ZCWPW2: variants seen among roughly 807,000 people sequenced by gnomAD.
ZCWPW2 encodes zinc finger CW-type PWWP domain protein 2.
In ZCWPW2, 45 loss-of-function variants were observed where a neutral mutation model predicts 46.6. The ratio of observed to expected loss-of-function variants is 0.96; its 90% confidence interval spans 0.76 to 1.24. The LOEUF is 1.24. ZCWPW2 is among the 50% of genes most tolerant of loss of function. The pLI is 0.00. For synonymous variants in ZCWPW2, 152 were observed against 137.1 expected (o/e 1.11, Z -0.76); for missense variants, 429 against 403.9 (o/e 1.06, Z -0.53).
At chr3:28,404,059 A>T (rs936543803) in intron 2 of ZCWPW2, among the ~76,000 whole-genome samples, 1 of 152,078 alleles carries the variant, frequency 6.6e-6, no homozygotes, top group Non-Finnish European at 1.5e-5. Flanking sequence ...TTAATTAAAG[A>T]GCTTTTGTAT....
chr3:28,406,662 T>G (rs1318249748), intron 2 of ZCWPW2, among the ~76,000 whole-genome samples: 1 of 152,050 alleles, frequency 6.6e-6, no homozygotes, highest in East Asian at 1.9e-4. Flanking sequence ...TCCAGGATAA[T>G]AAGGTCGATT....
chr3:28,356,571 A>G (rs1264678709), intron 1 of ZCWPW2, among the ~76,000 whole-genome samples: 2 of 152,220 alleles, frequency 1.3e-5, no homozygotes, highest in Admixed American at 6.5e-5. Flanking sequence ...TTGTTGCGGC[A>G]CTATTCACGA....
At chr3:28,499,655 T>G (rs888637810) in intron 6 of ZCWPW2, among the ~76,000 whole-genome samples, 4 of 152,126 alleles carry the variant, frequency 2.6e-5, no homozygotes, top group African/African-American at 9.6e-5. Flanking sequence ...TTAGTTTAAT[T>G]AGATCCCATT....
chr3:28,426,688 C>G (rs1039256727), intron 3 of ZCWPW2, among the ~76,000 whole-genome samples: 2 of 152,026 alleles, frequency 1.3e-5, no homozygotes, highest in Non-Finnish European at 2.9e-5. Context: ...TCCATCAGCC[C>G]CTGCAATTAG....
intron 1 of ZCWPW2, among the ~76,000 whole-genome samples, chr3:28,372,970 G>A (rs1396180163): frequency 6.6e-6 from 1 of 152,084 alleles, no homozygotes; most frequent in Non-Finnish European, 1.5e-5. Flanking sequence ...TTTTCTGGCT[G>A]CATAATATTC....
intron 1 of ZCWPW2, among the ~76,000 whole-genome samples, chr3:28,354,621 C>T (rs1445218278): frequency 8.7e-5 from 9 of 103,768 alleles, no homozygotes; most frequent in Non-Finnish European, 1.6e-4. Flanking sequence ...ACTGGCAAAC[C>T]GAATCCAGCA....
At position 28,487,664 on chromosome 3, in the gene ZCWPW2, A is replaced by G. The variant is rs569774481; in HGVS notation, c.611-4463A>G. On this transcript the variant is annotated intron_variant, in intron 5 of 9. Transcript: ENST00000383768. The stretch of plus-strand genomic sequence containing the variant: ...TTCTTTTTTGCCTTTTAGTATGCTT[A>G]TAAATTTTTATTGAAAGGTGGGCAT... Among the ~76,000 whole-genome samples, 8 of 152,204 alleles carry G rather than the reference A, an allele frequency of 5.3e-5. No individual in the cohort carries two copies. In the East Asian group the frequency reaches 1.4e-3, roughly 26 times the overall value.
chr3:28,371,200 G>A (rs1705323805), intron 1 of ZCWPW2, among the ~76,000 whole-genome samples: 1 of 152,020 alleles, frequency 6.6e-6, no homozygotes, highest in Non-Finnish European at 1.5e-5. Context: ...GATGCTTATT[G>A]CTTGATTTTA....
At chr3:28,394,799 A>G (rs964637338) in intron 2 of ZCWPW2, among the ~76,000 whole-genome samples, 2 of 152,146 alleles carry the variant, frequency 1.3e-5, no homozygotes, top group Admixed American at 1.3e-4. Context: ...CTGAAACTAT[A>G]TAACTCCTGA....
intron 1 of ZCWPW2, among the ~76,000 whole-genome samples, chr3:28,352,217 T>G (rs1704580840): frequency 6.6e-6 from 1 of 151,990 alleles, no homozygotes; most frequent in Non-Finnish European, 1.5e-5. Flanking sequence ...TTAAACTGTG[T>G]GTATCCAAAC....
intron 2 of ZCWPW2, among the ~76,000 whole-genome samples, chr3:28,398,581 G>T (rs1305441897): frequency 6.6e-6 from 1 of 152,120 alleles, no homozygotes; most frequent in Non-Finnish European, 1.5e-5. Context: ...GATTGCTCCT[G>T]CAAGACCTGG....
intron 2 of ZCWPW2, among the ~76,000 whole-genome samples, chr3:28,397,054 G>T (rs897807406): frequency 2.0e-5 from 3 of 151,160 alleles, no homozygotes; most frequent in Non-Finnish European, 2.9e-5. Context: ...ATTTGAACCT[G>T]AGAAGCAGAG....
intron 2 of ZCWPW2, among the ~76,000 whole-genome samples, chr3:28,412,707 G>GT (rs1453754080): frequency 6.6e-6 from 1 of 152,022 alleles, no homozygotes; most frequent in Non-Finnish European, 1.5e-5. Flanking sequence ...TCAGCATTCA[G>GT]TAAGGCTTAG....
At chr3:28,484,941 T>G (rs1269279264) in intron 5 of ZCWPW2, among the ~76,000 whole-genome samples, 1 of 152,142 alleles carries the variant, frequency 6.6e-6, no homozygotes, top group Non-Finnish European at 1.5e-5. Flanking sequence ...TTCTGCTTAC[T>G]TTGGATTTAG....
At chr3:28,473,966 A>G (rs1395532209) in intron 4 of ZCWPW2, among the ~76,000 whole-genome samples, 1 of 152,204 alleles carries the variant, frequency 6.6e-6, no homozygotes, top group Non-Finnish European at 1.5e-5. Context: ...CTAGCACAAA[A>G]GGGTGACTAT....
At chr3:28,356,138 C>G (rs777950014) in intron 1 of ZCWPW2, among the ~76,000 whole-genome samples, 4 of 152,180 alleles carry the variant, frequency 2.6e-5, no homozygotes, top group Non-Finnish European at 5.9e-5. Flanking sequence ...CGACGAAGAA[C>G]TTAAACAAAT....
chr3:28,420,405 G>A (rs948504349), intron 3 of ZCWPW2, among the ~76,000 whole-genome samples: 7 of 151,640 alleles, frequency 4.6e-5, no homozygotes, highest in Non-Finnish European at 2.9e-5. Flanking sequence ...TAATCACCCC[G>A]GTATTAAGCC....
At chr3:28,481,321 G>A (rs1003627645) in intron 5 of ZCWPW2, among the ~76,000 whole-genome samples, 5 of 152,162 alleles carry the variant, frequency 3.3e-5, no homozygotes, top group Non-Finnish European at 5.9e-5. Context: ...TTGGCTCACC[G>A]CAACCTCCGC....
At chr3:28,400,688 C>T (rs1695885427) in intron 2 of ZCWPW2, among the ~76,000 whole-genome samples, 1 of 152,178 alleles carries the variant, frequency 6.6e-6, no homozygotes, top group South Asian at 2.1e-4. Context: ...TCCAGCAAAA[C>T]TAAGCTTCAT....
Sources: gnomAD v4.1 joint callset for allele counts (sites outside exome capture counted in the v4.1 genomes callset) on GRCh38, gnomAD v4.1.1 for gene constraint, MANE v1.5 for transcripts, NCBI Gene and HGNC (gene_info 2026-07-23, HGNC 2026-07-21) for gene names.